Variants in STARD13 observed in about 807,000 individuals in gnomAD.
The protein encoded by STARD13 is stAR-related lipid transfer protein 13.
In STARD13, 62 loss-of-function variants were observed where a neutral mutation model predicts 106.4. That is an observed-to-expected ratio of 0.58 (90% CI 0.48 to 0.72). The LOEUF (loss-of-function observed/expected upper bound fraction) is 0.72. Ranked by LOEUF, STARD13 falls within the 30% of genes least tolerant of loss-of-function variation. STARD13 has a pLI of 0.00. For synonymous variants in STARD13, 565 were observed against 553.0 expected (o/e 1.02, Z -0.31); for missense variants, 1,387 against 1,424.0 (o/e 0.97, Z 0.42).
At chr13:33,590,551 G>T in the STARD13 span, among the ~76,000 whole-genome samples, 1 of 151,890 alleles carries the variant, frequency 6.6e-6, no homozygotes, top group South Asian at 2.1e-4. Context: ...CCTTTGTAGG[G>T]ACATGGATGA....
intron 1 of STARD13, among the ~76,000 whole-genome samples, chr13:33,265,970 C>T (rs974824356): frequency 6.6e-6 from 1 of 152,144 alleles, no homozygotes; most frequent in African/African-American, 2.4e-5. Context: ...CATTGTCCAT[C>T]CCGAAAAGTT....
the STARD13 span, among the ~76,000 whole-genome samples, chr13:33,583,304 T>C: frequency 6.6e-6 from 1 of 152,164 alleles, no homozygotes; most frequent in African/African-American, 2.4e-5. Flanking sequence ...CTTTCAACCC[T>C]GATTAACTCA....
the STARD13 span, among the ~76,000 whole-genome samples, chr13:33,447,078 T>C: frequency 6.6e-6 from 1 of 152,186 alleles, no homozygotes; most frequent in Non-Finnish European, 1.5e-5. Context: ...TAATGTGAAG[T>C]TTCTGAAAAA....
At chr13:33,271,529 G>A (rs1353614963) in intron 1 of STARD13, 1 of 152,272 alleles carries the variant, frequency 6.6e-6, no homozygotes, top group Admixed American at 6.5e-5. Context: ...GCGGGTAGAA[G>A]ACTCCATACT....
At chr13:33,460,025 T>C in the STARD13 span, among the ~76,000 whole-genome samples, 1 of 152,206 alleles carries the variant, frequency 6.6e-6, no homozygotes, top group Non-Finnish European at 1.5e-5. Flanking sequence ...TGCTTCTTAG[T>C]GTAGTTTTCA....
the STARD13 span, among the ~76,000 whole-genome samples, chr13:33,550,893 G>A: frequency 6.6e-6 from 1 of 152,092 alleles, no homozygotes; most frequent in East Asian, 1.9e-4. Context: ...ATACATGGTG[G>A]TCACTCCAAC....
intron 1 of STARD13, among the ~76,000 whole-genome samples, chr13:33,284,438 G>A (rs759284513): frequency 6.6e-6 from 1 of 151,998 alleles, no homozygotes; most frequent in Non-Finnish European, 1.5e-5. Flanking sequence ...TTTTTATAAT[G>A]GCTCTAAAAA....
intron 1 of STARD13, among the ~76,000 whole-genome samples, chr13:33,297,224 T>G (rs1403756535): frequency 6.6e-6 from 1 of 152,244 alleles, no homozygotes; most frequent in African/African-American, 2.4e-5. Flanking sequence ...TTCAGACCTG[T>G]TTAAACAGAT....
intron 1 of STARD13, among the ~76,000 whole-genome samples, chr13:33,212,178 A>T (rs1012452517): frequency 6.6e-6 from 1 of 152,166 alleles, no homozygotes; most frequent in Non-Finnish European, 1.5e-5. Context: ...TGTCCCCCTG[A>T]AGCTGACAGA....
intron 1 of STARD13, among the ~76,000 whole-genome samples, chr13:33,300,341 T>C (rs575693985): frequency 6.6e-6 from 1 of 152,364 alleles, no homozygotes; most frequent in African/African-American, 2.4e-5. Flanking sequence ...GTTCAAAGTA[T>C]AGAGATAGAA....
the STARD13 span, among the ~76,000 whole-genome samples, chr13:33,384,716 A>T: frequency 3.3e-5 from 5 of 151,928 alleles, no homozygotes; most frequent in Non-Finnish European, 7.4e-5. Flanking sequence ...TAGTCCTCAA[A>T]CTCTTTGATC....
At position 33,129,549 on chromosome 13, in the gene STARD13, C is replaced by A. The variant is rs201252605; in HGVS notation, c.1128G>T (p.Pro376=). The A allele has an allele frequency of 2.5e-6, 4 of 1,614,012 alleles. 1 individual carries two copies. In the Admixed American group the frequency reaches 6.7e-5, roughly 27 times the overall value. The change falls in exon 5 of 14, where the codon CCG becomes CCT. Residue 376 remains proline (P), a synonymous_variant. Transcript: ENST00000336934. ...GCATACGGCTTTGGTCCCCTGCATC[C>A]GGCAGTGCTGTCCCCGCCAGCACAT... ...DLDVLAGTAL[P]DAGDQSRMHE... is the part of the protein sequence containing the mutation.
intron 3 of STARD13, among the ~76,000 whole-genome samples, chr13:33,163,333 T>C (rs1202688306): frequency 1.3e-5 from 2 of 151,830 alleles, no homozygotes; most frequent in African/African-American, 4.8e-5. Flanking sequence ...ACACCTGTAA[T>C]CCCAGCACTT....
At chr13:33,412,840 A>G in the STARD13 span, among the ~76,000 whole-genome samples, 2 of 152,190 alleles carry the variant, frequency 1.3e-5, no homozygotes, top group African/African-American at 2.4e-5. Context: ...AAAAGGAAAA[A>G]TAGGCAAATC....
the STARD13 span, among the ~76,000 whole-genome samples, chr13:33,463,193 G>C: frequency 5.3e-5 from 8 of 152,220 alleles, no homozygotes; most frequent in Non-Finnish European, 1.0e-4. Flanking sequence ...GTGTTAGACA[G>C]CAACTTTTAT....
chr13:33,126,252 A>G lies in STARD13; in HGVS notation c.1923-12T>C. ...ACTTTGGAACTGACCTAGAATTTAC[A>G]GAAACCAGGTCATGCAAGCCTCCTG... On this transcript the variant is annotated splice_polypyrimidine_tract_variant and intron_variant, in intron 6 of 13. Coordinates refer to ENST00000336934, the MANE Select transcript of STARD13 (RefSeq NM_178006.4). The G allele has an allele frequency of 6.2e-7, 1 of 1,613,062 alleles. No individual in the cohort carries two copies. The highest frequency in any genetic ancestry group is 8.5e-7 in the Non-Finnish European group (1 of 1,179,318).
the STARD13 span, among the ~76,000 whole-genome samples, chr13:33,552,262 T>G: frequency 2.6e-5 from 4 of 152,130 alleles, no homozygotes; most frequent in Non-Finnish European, 5.9e-5. Flanking sequence ...TTTGTATCAC[T>G]TAACACTTAC....
chr13:33,471,482 A>G, the STARD13 span, among the ~76,000 whole-genome samples: 1 of 152,172 alleles, frequency 6.6e-6, no homozygotes, highest in Non-Finnish European at 1.5e-5. Context: ...TACATTTACA[A>G]TGCAAGGTTT....
downstream of STARD13, among the ~76,000 whole-genome samples, chr13:33,347,067 A>C (rs374066376): frequency 6.6e-6 from 1 of 152,238 alleles, no homozygotes; most frequent in African/African-American, 2.4e-5. Context: ...TATAAAAGCA[A>C]GACAGAAAAT....
Sources: gnomAD v4.1 joint callset for allele counts (sites outside exome capture counted in the v4.1 genomes callset) on GRCh38, gnomAD v4.1.1 for gene constraint, MANE v1.5 for transcripts, NCBI Gene and HGNC (gene_info 2026-07-23, HGNC 2026-07-21) for gene names.